PTPRD: variants seen among roughly 807,000 people sequenced by gnomAD.
PTPRD encodes the protein receptor-type tyrosine-protein phosphatase delta.
Under a neutral mutation model 214.5 loss-of-function variants are expected in PTPRD, and 34 were observed. That is an observed-to-expected ratio of 0.16 (90% confidence interval 0.12 to 0.21). PTPRD has a LOEUF of 0.21. Among genes scored for constraint, PTPRD ranks in the 10% least tolerant of loss-of-function variants. PTPRD has a pLI of 1.00. For synonymous variants in PTPRD, 1,128 were observed against 845.7 expected, an observed-to-expected ratio of 1.33 and a Z score of -5.79; for missense variants, 2,545 against 2,398.7, an observed-to-expected ratio of 1.06 and a Z score of -1.27.
intron 39 of PTPRD, among the ~76,000 whole-genome samples, chr9:8,366,297 T>G (rs1186260539): frequency 6.6e-6 from 1 of 152,060 alleles, no homozygotes; most frequent in Non-Finnish European, 1.5e-5. Flanking sequence ...ATACTAGAGA[T>G]ATGACAAACC....
intron 5 of PTPRD, among the ~76,000 whole-genome samples, chr9:9,935,912 G>A (rs1437092642): frequency 3.3e-5 from 5 of 150,690 alleles, no homozygotes; most frequent in Middle Eastern, 6.8e-3. Flanking sequence ...AGAGCCCTCA[G>A]AAATAATGCT....
At chr9:10,534,473 A>C (rs833434) in intron 2 of PTPRD, among the ~76,000 whole-genome samples, 144,702 of 152,078 alleles carry the variant, frequency 0.95, 68,939 homozygotes, top group Middle Eastern at 0.98. Context: ...AGAAAACATA[A>C]TTGAAGGCAA....
rs147215301 is a variant in PTPRD at position 9,675,206 on chromosome 9, G to C, written c.-287+59327C>G. 2.8e-3 allele frequency among the ~76,000 whole-genome samples: 420 copies of C among 151,992 alleles called. 2 individuals are homozygous for C. Among genetic ancestry groups the C allele is most frequent in the Non-Finnish European group, 4.9e-3 (334 of 67,826 alleles). On this transcript the variant is annotated intron_variant, in intron 7 of 45. Transcript: ENST00000381196. Reference sequence around the variant, plus strand: ...CTCCAAAGTATCTCATGTGTCCTTAGAGAAACCATTTTAAAAACATTTTGA... The same window carrying C: ...CTCCAAAGTATCTCATGTGTCCTTACAGAAACCATTTTAAAAACATTTTGA...
chr9:9,624,879 T>C (rs1358512856), intron 7 of PTPRD, among the ~76,000 whole-genome samples: 1 of 151,422 alleles, frequency 6.6e-6, no homozygotes, highest in Non-Finnish European at 1.5e-5. Context: ...CTGCGATTAA[T>C]CTGTTGGTTA....
chr9:9,491,466 C>G (rs2095893085), intron 8 of PTPRD, among the ~76,000 whole-genome samples: 1 of 151,900 alleles, frequency 6.6e-6, no homozygotes. Flanking sequence ...ACAGAATACT[C>G]TTCCCAAAAA....
At chr9:9,431,290 G>T (rs1341546220) in intron 8 of PTPRD, among the ~76,000 whole-genome samples, 1 of 152,094 alleles carries the variant, frequency 6.6e-6, no homozygotes, top group Non-Finnish European at 1.5e-5. Context: ...GCAGTCAACA[G>T]ACACATGAAA....
At chr9:9,216,939 T>G (rs1412887737) in intron 9 of PTPRD, among the ~76,000 whole-genome samples, 1 of 152,152 alleles carries the variant, frequency 6.6e-6, no homozygotes, top group East Asian at 1.9e-4. Context: ...ATTTTTTTTC[T>G]ATTATTTCCC....
intron 5 of PTPRD, among the ~76,000 whole-genome samples, chr9:9,918,591 C>G (rs1490058204): frequency 6.6e-6 from 1 of 151,906 alleles, no homozygotes; most frequent in Non-Finnish European, 1.5e-5. Flanking sequence ...CTTCAAGTAG[C>G]CAAAGCCATC....
chr9:10,390,589 T>TTAAGGAAATCTGGAAGAATGA (rs2098039457), intron 2 of PTPRD, among the ~76,000 whole-genome samples: 1 of 151,780 alleles, frequency 6.6e-6, no homozygotes, highest in Non-Finnish European at 1.5e-5. Flanking sequence ...ACTATGAAGC[T>TTAAGGAAATCTGGAAGAATGA]TAAGGAAATC....
At chr9:8,591,409 T>C (rs1026474644) in intron 14 of PTPRD, among the ~76,000 whole-genome samples, 1 of 152,220 alleles carries the variant, frequency 6.6e-6, no homozygotes. Context: ...GACACTCTTC[T>C]GTTGGGAGAG....
intron 2 of PTPRD, among the ~76,000 whole-genome samples, chr9:10,384,879 A>G (rs1444894051): frequency 6.6e-6 from 1 of 151,752 alleles, no homozygotes; most frequent in Non-Finnish European, 1.5e-5. Flanking sequence ...GTTGTTTCTT[A>G]AACCATAACT....
chr9:9,877,723 C>T (rs555664923), intron 5 of PTPRD, among the ~76,000 whole-genome samples: 17 of 152,116 alleles, frequency 1.1e-4, no homozygotes, highest in African/African-American at 4.1e-4. Flanking sequence ...GCCTGTAATC[C>T]CAGCACTTTG....
At chr9:9,265,722 A>G (rs535622102) in intron 9 of PTPRD, among the ~76,000 whole-genome samples, 3 of 151,554 alleles carry the variant, frequency 2.0e-5, no homozygotes, top group African/African-American at 7.2e-5. Context: ...TATATACACA[A>G]AAGATGAAAA....
At chr9:10,212,648 A>AT (rs1289779021) in intron 3 of PTPRD, among the ~76,000 whole-genome samples, 1 of 152,148 alleles carries the variant, frequency 6.6e-6, no homozygotes, top group African/African-American at 2.4e-5. Context: ...ATCCCTAATC[A>AT]TTCTCTGGAT....
intron 11 of PTPRD, among the ~76,000 whole-genome samples, chr9:8,966,388 G>C (rs956505130): frequency 6.6e-6 from 1 of 151,394 alleles, no homozygotes; most frequent in Non-Finnish European, 1.5e-5. Context: ...CATGGTACTG[G>C]CACAAAAACA....
chr9:8,870,751 G>A (rs2098284463), intron 11 of PTPRD, among the ~76,000 whole-genome samples: 1 of 140,518 alleles, frequency 7.1e-6, no homozygotes, highest in Non-Finnish European at 1.5e-5. Context: ...ACACCATGAT[G>A]TGCTGGCTCT....
intron 14 of PTPRD, among the ~76,000 whole-genome samples, chr9:8,538,856 G>C (rs748562827): frequency 3.3e-5 from 5 of 151,718 alleles, no homozygotes; most frequent in African/African-American, 1.2e-4. Flanking sequence ...CCAGTTGAAA[G>C]GAAACACTTT....
At chr9:9,778,088 G>C (rs2098812872) in intron 5 of PTPRD, among the ~76,000 whole-genome samples, 1 of 152,192 alleles carries the variant, frequency 6.6e-6, no homozygotes. Flanking sequence ...CATTGAGAGA[G>C]ATCCAGTTAT....
chr9:10,159,514 A>G (rs1288874511), intron 3 of PTPRD, among the ~76,000 whole-genome samples: 1 of 152,140 alleles, frequency 6.6e-6, no homozygotes, highest in African/African-American at 2.4e-5. Context: ...AGACAAAGCA[A>G]TAAACCTGTG....
Sources: gnomAD v4.1 joint callset for allele counts (sites outside exome capture counted in the v4.1 genomes callset) on GRCh38, gnomAD v4.1.1 for gene constraint, MANE v1.5 for transcripts, NCBI Gene and HGNC (gene_info 2026-07-23, HGNC 2026-07-21) for gene names.